The following UNC13B variants were observed in gnomAD, a reference collection of about 807,000 sequenced individuals.
The protein encoded by UNC13B is unc-13 homolog B.
In UNC13B, 144 loss-of-function variants were observed where a neutral mutation model predicts 211.0. The observed-to-expected ratio is 0.68, with a 90% CI of 0.60 to 0.78. UNC13B has a LOEUF of 0.78. Among genes scored for constraint, UNC13B ranks in the 30% least tolerant of loss-of-function variants. The pLI is 0.00. For missense variants in UNC13B, 1,777 were observed against 2,002.0 expected (o/e 0.89, Z 2.14); for synonymous variants, 709 against 725.8 (o/e 0.98, Z 0.37).
chr9:35,380,776 A>C, intron 18 of UNC13B, 137 bp downstream of exon 18: 3 of 1,183,082 alleles, frequency 2.5e-6, no homozygotes, highest in Non-Finnish European at 3.6e-6. Flanking sequence ...CAAAGAACTG[A>C]CTGTGGGGAG....
chr9:35,257,326 AATATTTATATAAATATT>A (rs1826948339), intron 6 of UNC13B, among the ~76,000 whole-genome samples: 2 of 104,516 alleles, frequency 1.9e-5, no homozygotes, highest in Non-Finnish European at 3.8e-5. Flanking sequence ...TATTTATAAA[AATATTTATATAAATATT>A]TATAAAAATA....
At chr9:35,175,651 G>A (rs1052200105) in intron 1 of UNC13B, among the ~76,000 whole-genome samples, 2 of 152,074 alleles carry the variant, frequency 1.3e-5, no homozygotes, top group African/African-American at 4.8e-5. Context: ...TGAGTATTTG[G>A]GCAGTAAAGA....
At position 35,307,548 on chromosome 9, in the gene UNC13B, G is replaced by T. The variant is rs923144126; in HGVS notation, c.8144G>T (p.Ser2715Ile). The T allele has an allele frequency of 6.0e-5, 24 of 398,940 alleles. No homozygotes were observed. Among genetic ancestry groups the T allele is most frequent in the African/African-American group, 4.7e-4 (23 of 48,624 alleles). 24.7% of individuals were successfully genotyped at this position (398,940 alleles called of 1,614,324 possible). Residue 2715 changes from serine (S) to isoleucine (I), a missense_variant, in exon 9 of 40, where the codon AGC becomes ATC. By Grantham distance (142) the Ser-to-Ile change is moderately radical. Transcript: ENST00000635942. ...TTCAATGATGCAAGTGTGAGCCAGA[G>T]CACCACTCTGGAAACCGAAGGGCAC... Reference protein sequence around the residue: ...MLFNDASVSQSTTLETEGHFS... With the variant: ...MLFNDASVSQITTLETEGHFS...
chr9:35,257,336 T>TAAATATTTATAA (rs1564097712), intron 6 of UNC13B, among the ~76,000 whole-genome samples: 13 of 131,506 alleles, frequency 9.9e-5, no homozygotes, highest in African/African-American at 1.9e-4. Flanking sequence ...AATATTTATA[T>TAAATATTTATAA]AAATATTTAT....
chr9:35,346,249 C>T (rs1832351011), intron 11 of UNC13B, among the ~76,000 whole-genome samples: 1 of 152,142 alleles, frequency 6.6e-6, no homozygotes, highest in Admixed American at 6.5e-5. Flanking sequence ...TTTCTGCTTG[C>T]TGGGATTGTT....
intron 11 of UNC13B, among the ~76,000 whole-genome samples, chr9:35,323,102 A>G (rs1830822050): frequency 6.6e-6 from 1 of 150,624 alleles, no homozygotes; most frequent in African/African-American, 2.4e-5. Context: ...TTTGTGTCTC[A>G]TGGATCAGTC....
At chr9:35,394,536 C>T (rs1482006743) in intron 26 of UNC13B, among the ~76,000 whole-genome samples, 1 of 152,178 alleles carries the variant, frequency 6.6e-6, no homozygotes, top group Non-Finnish European at 1.5e-5. Flanking sequence ...GCAGAGGTTG[C>T]AGTGAGCAGA....
At chr9:35,364,664 T>A in intron 11 of UNC13B, 1 of 1,208,462 alleles carries the variant, frequency 8.3e-7, no homozygotes. Flanking sequence ...TGTGTGTGTG[T>A]ACATGCACAT....
chr9:35,310,221 A>C (rs1830116884), intron 9 of UNC13B, among the ~76,000 whole-genome samples: 1 of 152,204 alleles, frequency 6.6e-6, no homozygotes, highest in South Asian at 2.1e-4. Flanking sequence ...AATATACTTC[A>C]AAGTCAAGTG....
At chr9:35,279,447 T>A (rs1828362678) in intron 7 of UNC13B, among the ~76,000 whole-genome samples, 1 of 152,222 alleles carries the variant, frequency 6.6e-6, no homozygotes. Flanking sequence ...TCATAGTTGA[T>A]GAAATATGTT....
intron 37 of UNC13B, 104 bp from the exon 38 acceptor site, chr9:35,403,063 G>A: frequency 1.1e-6 from 1 of 896,044 alleles, no homozygotes; most frequent in Non-Finnish European, 1.8e-6. Flanking sequence ...GGTTACTGTG[G>A]TGATTGCTTC....
chr9:35,214,257 T>G (rs1587388760), intron 1 of UNC13B, among the ~76,000 whole-genome samples: 1 of 151,996 alleles, frequency 6.6e-6, no homozygotes, highest in African/African-American at 2.4e-5. Flanking sequence ...ATAAAACCCC[T>G]TTTCTACTAA....
At chr9:35,213,266 T>C (rs2131425327) in intron 1 of UNC13B, among the ~76,000 whole-genome samples, 1 of 152,226 alleles carries the variant, frequency 6.6e-6, no homozygotes, top group Middle Eastern at 3.4e-3. Flanking sequence ...AGGGCCTTCA[T>C]GATGGGGTTA....
chr9:35,388,132 G>C (rs2132295099), intron 24 of UNC13B, among the ~76,000 whole-genome samples: 1 of 152,278 alleles, frequency 6.6e-6, no homozygotes, highest in Admixed American at 6.5e-5. Context: ...AGCAGGCCGG[G>C]CGCAATGGCT....
At chr9:35,338,733 C>G (rs747198587) in intron 11 of UNC13B, among the ~76,000 whole-genome samples, 100 of 152,196 alleles carry the variant, frequency 6.6e-4, no homozygotes, top group Non-Finnish European at 6.5e-4. Flanking sequence ...CCTTTGTACT[C>G]TGCGTCTGTG....
chr9:35,261,920 A>T (rs546667113), intron 7 of UNC13B, among the ~76,000 whole-genome samples: 9 of 152,258 alleles, frequency 5.9e-5, no homozygotes, highest in African/African-American at 2.2e-4. Context: ...AATGTCCTCC[A>T]GTTTCATCCA....
At chr9:35,392,388 G>A (rs916335549) in intron 26 of UNC13B, among the ~76,000 whole-genome samples, 1 of 152,274 alleles carries the variant, frequency 6.6e-6, no homozygotes, top group East Asian at 1.9e-4. Flanking sequence ...GATAGAGGGT[G>A]CTGGGATTAG....
chr9:35,384,588 A>G (rs1442770435), intron 22 of UNC13B: 4 of 985,148 alleles, frequency 4.1e-6, no homozygotes, highest in African/African-American at 3.5e-5. Flanking sequence ...TGACATTCTC[A>G]TTAGGGAGTT....
At chr9:35,198,785 A>G (rs1199341543) in intron 1 of UNC13B, among the ~76,000 whole-genome samples, 1 of 152,140 alleles carries the variant, frequency 6.6e-6, no homozygotes, top group Admixed American at 6.5e-5. Context: ...TGGGAACTGG[A>G]GCAAAGTCAG....
Sources: gnomAD v4.1 joint callset for allele counts (sites outside exome capture counted in the v4.1 genomes callset) on GRCh38, gnomAD v4.1.1 for gene constraint, MANE v1.5 for transcripts, NCBI Gene and HGNC (gene_info 2026-07-23, HGNC 2026-07-21) for gene names.